The following SPAG16 variants were observed in gnomAD, a reference collection of about 807,000 sequenced individuals.
SPAG16 encodes the protein sperm-associated antigen 16 protein.
SPAG16 carries 86 observed loss-of-function variants against 80.4 expected under a neutral mutation model. The ratio of observed to expected loss-of-function variants is 1.07; its 90% CI spans 0.90 to 1.28. The LOEUF (loss-of-function observed/expected upper bound fraction) is 1.28. Ranked by LOEUF, SPAG16 falls within the 50% of genes most tolerant of loss-of-function variation. The pLI, the probability that SPAG16 is intolerant of heterozygous loss-of-function variation, is 0.00. For synonymous variants in SPAG16, 294 were observed against 265.9 expected (o/e 1.11, Z -1.03); for missense variants, 870 against 765.3 (o/e 1.14, Z -1.61).
intron 10 of SPAG16, among the ~76,000 whole-genome samples, chr2:213,821,517 G>A (rs115914685): frequency 6.6e-6 from 1 of 152,074 alleles, no homozygotes; most frequent in East Asian, 1.9e-4. Flanking sequence ...AGTAAATGGG[G>A]TATCCATTCT....
chr2:213,894,410 C>T (rs2076908930), intron 11 of SPAG16, among the ~76,000 whole-genome samples: 1 of 152,028 alleles, frequency 6.6e-6, no homozygotes, highest in Admixed American at 6.6e-5. Context: ...AATGAAAACC[C>T]TCATCAAAAT....
chr2:214,226,940 A>G (rs74443460), intron 15 of SPAG16, among the ~76,000 whole-genome samples: 3,496 of 152,106 alleles, frequency 0.023, 88 homozygotes, highest in African/African-American at 0.06. Context: ...CAACAGCTAA[A>G]TTGGATTGCC....
intron 10 of SPAG16, among the ~76,000 whole-genome samples, chr2:213,786,858 A>T (rs1419266662): frequency 6.6e-6 from 1 of 152,174 alleles, no homozygotes; most frequent in Admixed American, 6.5e-5. Flanking sequence ...GGAATAATAC[A>T]ATAAATTTAT....
chr2:213,703,132 G>T (rs1425011887), intron 10 of SPAG16, among the ~76,000 whole-genome samples: 6 of 152,170 alleles, frequency 3.9e-5, no homozygotes, highest in African/African-American at 1.4e-4. Context: ...GACATAGTGG[G>T]TTCCAAAAGA....
chr2:213,423,656 C>T (rs573438399), intron 9 of SPAG16, among the ~76,000 whole-genome samples: 6 of 152,254 alleles, frequency 3.9e-5, no homozygotes, highest in South Asian at 2.1e-4. Context: ...ACACTATTAA[C>T]GAAAGACAGT....
intron 13 of SPAG16, among the ~76,000 whole-genome samples, chr2:214,061,113 T>C (rs759674077): frequency 5.5e-4 from 84 of 152,288 alleles, no homozygotes; most frequent in Admixed American, 2.3e-3. Context: ...AAGTCCTTCA[T>C]AGAGAAACTC....
chr2:213,727,031 A>AGTT (rs1229483758), intron 10 of SPAG16, among the ~76,000 whole-genome samples: 6 of 152,224 alleles, frequency 3.9e-5, no homozygotes, highest in Non-Finnish European at 8.8e-5. Context: ...TTGTCTTTAT[A>AGTT]GTTGTTTTGA....
At chr2:214,108,322 T>C in intron 14 of SPAG16, 61 bp downstream of exon 14, 2 of 1,357,194 alleles carry the variant, frequency 1.5e-6, no homozygotes, top group Non-Finnish European at 2.1e-6. Flanking sequence ...TTCATTTTTA[T>C]AAAACAAATT....
At chr2:214,189,788 G>A (rs1382061850) in intron 15 of SPAG16, among the ~76,000 whole-genome samples, 1 of 151,782 alleles carries the variant, frequency 6.6e-6, no homozygotes, top group Non-Finnish European at 1.5e-5. Context: ...TCCTTTATTT[G>A]TAAATTAATT....
At chr2:213,345,813 G>A (rs138981596) in intron 6 of SPAG16, among the ~76,000 whole-genome samples, 3,803 of 152,218 alleles carry the variant, frequency 0.025, 65 homozygotes, top group South Asian at 0.048. Context: ...GTCAGGTAGC[G>A]TGATGCTTCC....
chr2:213,410,171 G>A (rs562151733), intron 9 of SPAG16, among the ~76,000 whole-genome samples: 158 of 152,152 alleles, frequency 1.0e-3, no homozygotes, highest in African/African-American at 3.6e-3. Context: ...AAACCCTACC[G>A]AACTAAAGCT....
intron 9 of SPAG16, among the ~76,000 whole-genome samples, chr2:213,391,247 G>A (rs1315103981): frequency 1.3e-4 from 20 of 152,126 alleles, no homozygotes; most frequent in Non-Finnish European, 1.5e-4. Flanking sequence ...CAACCTGGGC[G>A]ATGGAGCGAG....
chr2:214,046,496 T>C (rs905918501), intron 13 of SPAG16, among the ~76,000 whole-genome samples: 1 of 152,194 alleles, frequency 6.6e-6, no homozygotes, highest in African/African-American at 2.4e-5. Flanking sequence ...AAAAAGATTA[T>C]TCCTCATGAA....
At chr2:214,113,861 C>T (rs2053799514) in intron 14 of SPAG16, among the ~76,000 whole-genome samples, 1 of 152,112 alleles carries the variant, frequency 6.6e-6, no homozygotes, top group Admixed American at 6.6e-5. Flanking sequence ...AGCTTTGTTC[C>T]ATTGCTGGTG....
At chr2:213,985,365 T>G (rs1392489830) in intron 12 of SPAG16, among the ~76,000 whole-genome samples, 2 of 152,108 alleles carry the variant, frequency 1.3e-5, no homozygotes, top group Non-Finnish European at 2.9e-5. Context: ...ATTCTATGTA[T>G]TTTTGATGAT....
At chr2:213,867,211 A>G (rs1260869747) in intron 11 of SPAG16, among the ~76,000 whole-genome samples, 1 of 152,244 alleles carries the variant, frequency 6.6e-6, no homozygotes, top group African/African-American at 2.4e-5. Context: ...GGTAAGATAA[A>G]GCACTCTTTG....
At position 213,452,842 on chromosome 2, in the gene SPAG16, T is replaced by C. The variant is rs1207419729; in HGVS notation, c.943-37121T>C. Among the ~76,000 whole-genome samples, 3 of 152,372 alleles carry C rather than the reference T, an allele frequency of 2.0e-5. No homozygotes were observed. In the East Asian group the frequency reaches 5.8e-4, roughly 29 times the overall value. ...TCACCTGTCTTTGAAAGATGGGCTA[T>C]TGTATCAGCTAGACTAATAAAAATT... On this transcript the variant is annotated intron_variant, in intron 9 of 15. Coordinates refer to ENST00000331683, the MANE Select transcript of SPAG16 (RefSeq NM_024532.5).
intron 10 of SPAG16, among the ~76,000 whole-genome samples, chr2:213,723,272 C>T (rs1469847615): frequency 1.3e-5 from 2 of 152,054 alleles, no homozygotes; most frequent in Non-Finnish European, 2.9e-5. Context: ...CCAGCTTAGC[C>T]TCTCTGGGAT....
At chr2:214,113,515 G>A (rs754307644) in intron 14 of SPAG16, among the ~76,000 whole-genome samples, 11 of 152,130 alleles carry the variant, frequency 7.2e-5, no homozygotes, top group Non-Finnish European at 1.3e-4. Flanking sequence ...GACTTTGTTC[G>A]TTTCTTTTTA....
Sources: gnomAD v4.1 joint callset for allele counts (sites outside exome capture counted in the v4.1 genomes callset) on GRCh38, gnomAD v4.1.1 for gene constraint, MANE v1.5 for transcripts, NCBI Gene and HGNC (gene_info 2026-07-23, HGNC 2026-07-21) for gene names.